CNGA2: variants seen among roughly 807,000 people sequenced by gnomAD.
CNGA2 encodes cyclic nucleotide-gated channel alpha-2.
Under a neutral mutation model 35.9 loss-of-function variants are expected in CNGA2, and 22 were observed. That is an observed-to-expected ratio of 0.61 (90% CI 0.44 to 0.88). CNGA2 has a LOEUF of 0.88. CNGA2 is among the 40% of genes least tolerant of loss of function. The pLI is 0.00. For missense variants in CNGA2, 555 were observed against 530.8 expected, an observed-to-expected ratio of 1.05 and a Z score of -0.45; for synonymous variants, 217 against 209.2, an observed-to-expected ratio of 1.04 and a Z score of -0.32.
intron 4 of CNGA2, 118 bp from the exon 5 acceptor site, chrX:151,740,676 C>T (rs1306816863): frequency 5.4e-6 from 3 of 559,947 alleles, no homozygotes; most frequent in Non-Finnish European, 9.1e-6. Context: ...ATCTTTCACC[C>T]CACATATACC....
chrX:151,740,961 T>A, intron 5 of CNGA2, 60 bp downstream of exon 5: 2 of 883,398 alleles, frequency 2.3e-6, no homozygotes, highest in East Asian at 6.2e-5. Context: ...GACCCCGGGA[T>A]TGACGGCGCA....
rs370572326 is a variant in CNGA2, at chrX:151,743,520, G to A, written c.1017G>A (p.Gly339=). The A allele has an allele frequency of 8.3e-7, 1 of 1,208,379 alleles. No homozygotes were observed. Among genetic ancestry groups the A allele is most frequent in the African/African-American group, 1.8e-5 (1 of 56,568 alleles). The change falls in exon 7 of 7, where the codon GGG becomes GGA. Residue 339 remains glycine (G), a synonymous_variant. Coordinates refer to ENST00000329903, the MANE Select transcript of CNGA2 (RefSeq NM_005140.3). The part of the protein sequence containing the change: ...YWSTLTLTTI[G]ETPPPVKDEE... Reference sequence around the variant, plus strand: ...CCACACTGACTCTCACTACCATTGGGGAGACACCACCCCCTGTAAAGGATG... The same window carrying A: ...CCACACTGACTCTCACTACCATTGGAGAGACACCACCCCCTGTAAAGGATG...
intron 1 of CNGA2, among the ~76,000 whole-genome samples, chrX:151,737,659 G>C (rs1032247559): frequency 1.8e-5 from 2 of 111,910 alleles, no homozygotes; most frequent in Non-Finnish European, 3.8e-5. Context: ...GGATTTTTCT[G>C]GCACAGAACA....
At chrX:151,738,648 T>A in intron 2 of CNGA2, 55 bp downstream of exon 2, 1 of 1,104,457 alleles carries the variant, frequency 9.1e-7, no homozygotes, top group Non-Finnish European at 1.2e-6. Flanking sequence ...TTCCCATCTC[T>A]GCCTCATTGT....
Position 151,743,100 on chromosome X carries a change from G to A in CNGA2, c.597G>A (p.Leu199=), listed in dbSNP as rs143915577. Reference sequence around the variant, plus strand: ...GGCTTTCATCTCTACTAGGTTTCCTGGAGCAGGGGCTGCTGGTCAAAGATA... The same window carrying A: ...GGCTTTCATCTCTACTAGGTTTCCTAGAGCAGGGGCTGCTGGTCAAAGATA... The part of the protein sequence containing the change: ...DLFIRLRTGF[L]EQGLLVKDTK... Residue 199 remains leucine, a synonymous_variant, in exon 7 of 7, where the codon CTG becomes CTA. Coordinates refer to ENST00000329903, the MANE Select transcript of CNGA2 (RefSeq NM_005140.3). 15 of 1,138,499 alleles carry A rather than the reference G, an allele frequency of 1.3e-5. No individual in the cohort carries two copies. In the African/African-American group the frequency reaches 2.8e-4, roughly 21 times the overall value. 93.8% of individuals were successfully genotyped at this position (1,138,499 alleles called of 1,213,427 possible). A position where few individuals can be genotyped will look rare whatever the true frequency, so the allele number is the denominator to read the frequency against.
At chrX:151,735,003 A>C (rs2015233014) in intron 1 of CNGA2, among the ~76,000 whole-genome samples, 60 bp downstream of exon 1, 1 of 111,411 alleles carries the variant, frequency 9.0e-6, no homozygotes, top group Non-Finnish European at 1.9e-5. Context: ...ATGAACTGAA[A>C]CTTCTAATCT....
rs756947232 is a variant in CNGA2, at chrX:151,738,837, C to T, written c.161C>T (p.Ala54Val). ...ACCTCCTCAGAACTGCAGAGGCTGG[C>T]AGACGTGGATGCCCCACAGCAGGGA... ...DDTSSELQRL[A>V]DVDAPQQGRS... The change falls in exon 3 of 7, where the codon GCA becomes GTA. Residue 54 changes from alanine (A) to valine (V), a missense_variant. Transcript: ENST00000329903. 1.3e-5 allele frequency: 15 copies of T among 1,177,947 alleles called. No individual in the cohort carries two copies. The highest frequency in any genetic ancestry group is 1.7e-5 in the Non-Finnish European group (15 of 878,109).
chrX:151,744,162 G>C lies in CNGA2; in HGVS notation c.1659G>C (p.Lys553Asn). 2 of 1,210,726 alleles carry C rather than the reference G, an allele frequency of 1.7e-6. No homozygotes were observed. Among genetic ancestry groups the C allele is most frequent in the Non-Finnish European group, 2.2e-6 (2 of 895,340 alleles). The change falls in exon 7 of 7, where the codon AAG becomes AAC. Residue 553 changes from lysine to asparagine, a missense_variant. By Grantham distance (94) the Lys-to-Asn change is moderately conservative. Transcript: ENST00000329903. ...ACTCAGATCTCTTCTGCTTGTCCAA[G>C]GATGATCTTATGGAAGCTGTGACTG... is the stretch of plus-strand genomic sequence containing the variant. ...LGYSDLFCLS[K>N]DDLMEAVTEY... is the part of the protein sequence containing the mutation.
chrX:151,742,455 A>G, intron 5 of CNGA2, 81 bp from the exon 6 acceptor site: 1 of 708,956 alleles, frequency 1.4e-6, no homozygotes, highest in Non-Finnish European at 2.2e-6. Flanking sequence ...CAAGCCCTGC[A>G]CACAGTGAAC....
intron 1 of CNGA2, among the ~76,000 whole-genome samples, chrX:151,735,223 C>G (rs1279255260): frequency 1.8e-5 from 2 of 112,003 alleles, no homozygotes; most frequent in Admixed American, 1.9e-4. Flanking sequence ...ATGCCTTACT[C>G]TAGGTTGTTA....
chrX:151,742,539 C>T lies in CNGA2; in HGVS notation c.486C>T (p.Ala162=). The T allele has an allele frequency of 1.7e-6, 2 of 1,206,209 alleles. No homozygotes were observed. Among genetic ancestry groups the T allele is most frequent in the Admixed American group, 2.2e-5 (1 of 45,861 alleles). The change falls in exon 6 of 7, where the codon GCC becomes GCT. Residue 162 remains alanine, a synonymous_variant. Coordinates refer to ENST00000329903, the MANE Select transcript of CNGA2 (RefSeq NM_005140.3). ...GCTTAGCCCTGTCCTCCCGCAGAGC[C>T]TGCTTCAGTGACCTACAGAAAGGCT... ...LYNWCLLVAR[A]CFSDLQKGYY...
chrX:151,741,470 A>G lies in CNGA2; in HGVS notation c.482+569A>G, dbSNP rs1603009382. 2.7e-5 allele frequency among the ~76,000 whole-genome samples: 3 copies of G among 112,109 alleles called. No homozygotes were observed. In the South Asian group the frequency reaches 1.1e-3, roughly 42 times the overall value. On this transcript the variant is annotated intron_variant, in intron 5 of 6. Coordinates refer to ENST00000329903, the MANE Select transcript of CNGA2 (RefSeq NM_005140.3). Reference sequence around the variant, plus strand: ...TACTCCGTCCCAATCCCAGTCATTCATTCAGCAAGGATTTGACTGAGCACC... The same window carrying G: ...TACTCCGTCCCAATCCCAGTCATTCGTTCAGCAAGGATTTGACTGAGCACC...
intron 5 of CNGA2, among the ~76,000 whole-genome samples, chrX:151,742,250 G>A (rs1347391506): frequency 1.8e-5 from 2 of 112,322 alleles, no homozygotes; most frequent in Non-Finnish European, 3.8e-5. Flanking sequence ...CATGGGGCAT[G>A]CCGTAATGAC....
intron 4 of CNGA2, 54 bp from the exon 5 acceptor site, chrX:151,740,740 G>A (rs1221384501): frequency 1.1e-6 from 1 of 944,362 alleles, no homozygotes; most frequent in Non-Finnish European, 1.5e-6. Flanking sequence ...GAGCTGGGGT[G>A]CTATCACACT....
chrX:151,739,696 G>A lies in CNGA2; in HGVS notation c.338G>A (p.Gly113Asp). ...ACTGTGACCACACAGGAGGGGGATG[G>A]CAAAGGCGACAAGGATGGCGAGGAC... ...LQTVTTQEGDGKGDKDGEDKG... is the reference protein window; with the variant it reads ...LQTVTTQEGDDKGDKDGEDKG... The change falls in exon 4 of 7, where the codon GGC (glycine) becomes GAC (aspartate). Residue 113 changes from glycine to aspartate, a missense_variant. Physicochemically the swap from Gly to Asp is moderately conservative, Grantham distance 94. Coordinates refer to ENST00000329903, the MANE Select transcript of CNGA2 (RefSeq NM_005140.3). 1 of 1,211,596 alleles carries A rather than the reference G, an allele frequency of 8.3e-7. No homozygotes were observed. The highest frequency in any genetic ancestry group is 1.1e-6 in the Non-Finnish European group (1 of 895,480).
intron 3 of CNGA2, among the ~76,000 whole-genome samples, chrX:151,739,215 C>A (rs977843540): frequency 2.7e-5 from 3 of 112,408 alleles, no homozygotes; most frequent in Admixed American, 1.9e-4. Flanking sequence ...AAGCTCAGGG[C>A]AAGCTTTACT....
chrX:151,743,934 TG>T lies in CNGA2; in HGVS notation c.1435del (p.Asp479IlefsTer29). 1 of 1,211,304 alleles carries T rather than the reference TG, an allele frequency of 8.3e-7. No individual in the cohort carries two copies. Among genetic ancestry groups the T allele is most frequent in the Non-Finnish European group, 1.1e-6 (1 of 895,447 alleles). On this transcript the variant is annotated frameshift_variant, in exon 7 of 7. Coordinates refer to ENST00000329903, the MANE Select transcript of CNGA2 (RefSeq NM_005140.3). LOFTEE classifies it high-confidence loss of function. ...LKLRPQVFSP[G>X]DYICRKGDIG... ...AACTCCGTCCTCAGGTCTTCAGTCC[TG>T]GGGATTACATTTGCCGCAAAGGGGA...
At chrX:151,737,498 C>A (rs145714517) in intron 1 of CNGA2, among the ~76,000 whole-genome samples, 1,313 of 111,792 alleles carry the variant, frequency 0.012, 24 homozygotes, top group African/African-American at 0.041. Context: ...CCCACATCCA[C>A]TCCTCTGAGT....
chrX:151,737,480 C>T (rs368928221), intron 1 of CNGA2, among the ~76,000 whole-genome samples: 1 of 111,898 alleles, frequency 8.9e-6, no homozygotes, highest in African/African-American at 3.3e-5. Context: ...CCACTCTCTC[C>T]ATTGCTCCCC....
Sources: allele counts gnomAD v4.1 joint callset (sites outside exome capture counted in the v4.1 genomes callset), GRCh38; gene constraint gnomAD v4.1.1; transcripts MANE v1.5; gene names NCBI Gene and HGNC (gene_info 2026-07-23, HGNC 2026-07-21).